The following TRIM24 variants were observed in gnomAD, a reference collection of about 807,000 sequenced individuals.
TRIM24 encodes tripartite motif containing 24.
TRIM24 carries 29 observed loss-of-function variants against 123.9 expected under a neutral mutation model. That is an observed-to-expected ratio of 0.23 (90% CI 0.17 to 0.32). The LOEUF is 0.32. Among genes scored for constraint, TRIM24 ranks in the 10% least tolerant of loss-of-function variants. The probability of loss-of-function intolerance (pLI) is 1.00; values close to 1 mark genes in which losing one functional copy is unlikely to be tolerated. For synonymous variants in TRIM24, 456 were observed against 461.1 expected, an observed-to-expected ratio of 0.99 and a Z score of 0.14; for missense variants, 932 against 1,295.3, an observed-to-expected ratio of 0.72 and a Z score of 4.31.
rs367796381 is a variant in TRIM24 at position 138,556,158 on chromosome 7, A to G, written c.1530+1192A>G. 38 of 152,222 alleles carry G rather than the reference A, an allele frequency of 2.5e-4. No individual in the cohort carries two copies. The East Asian group carries it at 4.1e-3, about 16-fold the overall frequency. The allele number at this position is 152,222 out of a possible 1,614,324, so 9.4% of individuals were successfully genotyped here. A position where few individuals can be genotyped will look rare whatever the true frequency, so the allele number is the denominator to read the frequency against. On this transcript the variant is annotated intron_variant, in intron 9 of 18. Coordinates refer to ENST00000343526, the MANE Select transcript of TRIM24 (RefSeq NM_015905.3). Reference sequence around the variant, plus strand: ...GATATAAAACCCTTCAATTCATAAAATTTTCATAGAAAAATAAAAACATTG... The same window carrying G: ...GATATAAAACCCTTCAATTCATAAAGTTTTCATAGAAAAATAAAAACATTG...
At chr7:138,569,673 A>G (rs1452442550) in intron 10 of TRIM24, among the ~76,000 whole-genome samples, 2 of 152,212 alleles carry the variant, frequency 1.3e-5, no homozygotes, top group Non-Finnish European at 2.9e-5. Flanking sequence ...TTCATGTCCA[A>G]CTTCATATGT....
intron 2 of TRIM24, chr7:138,514,645 TTC>T (rs1230673429): frequency 6.6e-6 from 1 of 152,246 alleles, no homozygotes; most frequent in Admixed American, 6.5e-5. Context: ...TGAGATCCAT[TTC>T]TTCATCATAT....
intron 1 of TRIM24, among the ~76,000 whole-genome samples, chr7:138,464,157 G>A (rs1016431968): frequency 2.0e-5 from 3 of 151,412 alleles, no homozygotes; most frequent in Admixed American, 1.3e-4. Flanking sequence ...ACCACGCCCG[G>A]CTAATTTTTT....
intron 1 of TRIM24, among the ~76,000 whole-genome samples, chr7:138,470,722 TC>T (rs774612570): frequency 6.6e-6 from 1 of 152,198 alleles, no homozygotes; most frequent in Non-Finnish European, 1.5e-5. Context: ...GTCTGTAACT[TC>T]ACCAGTGTTG....
At chr7:138,550,318 G>GTGTGT (rs113421781) in intron 7 of TRIM24, among the ~76,000 whole-genome samples, 2 of 147,468 alleles carry the variant, frequency 1.4e-5, no homozygotes, top group Admixed American at 6.8e-5. Context: ...AGGAGTTGAT[G>GTGTGT]GTGTGTGTGT....
intron 2 of TRIM24, 65 bp downstream of exon 2, chr7:138,504,473 T>TTTTTTG (rs1796108438): frequency 1.1e-6 from 1 of 919,436 alleles, no homozygotes; most frequent in Non-Finnish European, 1.6e-6. Flanking sequence ...TTTTTTTTTT[T>TTTTTTG]GAGACAGAGT....
chr7:138,515,144 C>T (rs967851856), intron 2 of TRIM24, 68 bp from the exon 3 acceptor site: 70 of 1,516,400 alleles, frequency 4.6e-5, no homozygotes, highest in African/African-American at 1.9e-4. Context: ...GTATCATGTA[C>T]GCATAGCTCG....
intron 9 of TRIM24, among the ~76,000 whole-genome samples, chr7:138,555,791 A>T (rs1174166132): frequency 6.6e-6 from 1 of 151,916 alleles, no homozygotes; most frequent in Non-Finnish European, 1.5e-5. Context: ...CCCTAATTTT[A>T]TTTTTTAAGT....
At chr7:138,488,110 G>C (rs934921514) in intron 1 of TRIM24, among the ~76,000 whole-genome samples, 4 of 152,068 alleles carry the variant, frequency 2.6e-5, no homozygotes, top group Non-Finnish European at 5.9e-5. Context: ...ATTTCTTCTA[G>C]ATTTTCTAGC....
chr7:138,532,265 G>A (rs1309429719), intron 6 of TRIM24, among the ~76,000 whole-genome samples: 1 of 151,966 alleles, frequency 6.6e-6, no homozygotes, highest in Non-Finnish European at 1.5e-5. Flanking sequence ...ATTGCTTTTG[G>A]TGTTTTAGAC....
In TRIM24 at chr7:138,525,325, C is replaced by T; in HGVS notation, c.849C>T (p.Tyr283=). ...CCAAACTGATGGAAAAAACAAAATA[C>T]ATAAAATTCACAGGAAATCAGATCC... The part of the protein sequence containing the change: ...LITKLMEKTK[Y]IKFTGNQIQN... The change falls in exon 5 of 19, where the codon TAC becomes TAT. Residue 283 remains tyrosine (Y), a synonymous_variant. Transcript: ENST00000343526. The T allele has an allele frequency of 6.6e-7, 1 of 1,523,076 alleles. No individual in the cohort carries two copies. The highest frequency in any genetic ancestry group is 2.2e-5 in the Admixed American group (1 of 46,266). 94.3% of individuals were successfully genotyped at this position (1,523,076 alleles called of 1,614,324 possible).
At chr7:138,560,192 G>T (rs1434398738) in intron 9 of TRIM24, among the ~76,000 whole-genome samples, 1 of 152,178 alleles carries the variant, frequency 6.6e-6, no homozygotes, top group African/African-American at 2.4e-5. Flanking sequence ...TCCAATTCAT[G>T]TGTTCCACTT....
intron 12 of TRIM24, among the ~76,000 whole-genome samples, chr7:138,575,936 C>G (rs985986657): frequency 6.6e-6 from 1 of 152,148 alleles, no homozygotes; most frequent in Non-Finnish European, 1.5e-5. Context: ...GCCCGTACCA[C>G]CTTTCGTTGT....
intron 4 of TRIM24, among the ~76,000 whole-genome samples, chr7:138,520,957 CT>C (rs1440159670): frequency 6.6e-6 from 1 of 152,186 alleles, no homozygotes; most frequent in Non-Finnish European, 1.5e-5. Context: ...TGGCTGAGAA[CT>C]TTCAGAAGCT....
At chr7:138,558,823 T>C (rs1797368173) in intron 9 of TRIM24, among the ~76,000 whole-genome samples, 1 of 152,192 alleles carries the variant, frequency 6.6e-6, no homozygotes, top group African/African-American at 2.4e-5. Context: ...TGAGTTGGTT[T>C]TTCCAGTAGT....
intron 15 of TRIM24, 76 bp downstream of exon 15, chr7:138,579,608 A>AAACTT (rs1797850771): frequency 7.6e-7 from 1 of 1,315,944 alleles, no homozygotes. Context: ...GCCTTTGAAA[A>AAACTT]AACTTAAATG....
intron 1 of TRIM24, among the ~76,000 whole-genome samples, chr7:138,481,619 A>C (rs963642164): frequency 5.3e-5 from 8 of 151,936 alleles, no homozygotes; most frequent in Admixed American, 3.3e-4. Flanking sequence ...TGTGGGCAAC[A>C]TAGGGAGACC....
chr7:138,512,186 G>A (rs1291025081), intron 2 of TRIM24, among the ~76,000 whole-genome samples: 1 of 152,184 alleles, frequency 6.6e-6, no homozygotes, highest in Non-Finnish European at 1.5e-5. Context: ...TACCCCTGTG[G>A]CTTTGCAGGG....
Position 138,589,526 on chromosome 7 carries a change from T to C in TRIM24, c.*4575T>C, listed in dbSNP as rs1798070580. The C allele has an allele frequency of 1.3e-5, 2 of 152,146 alleles. No homozygotes were observed. Among genetic ancestry groups the C allele is most frequent in the African/African-American group, 4.8e-5 (2 of 41,424 alleles). 9.4% of individuals were successfully genotyped at this position (152,146 alleles called of 1,614,324 possible). Reference sequence around the variant, plus strand: ...TAGGGGCAAGCTACTAGTCCATAAATAGCTGTAATAGGAAAACAGTTTTTT... The same window carrying C: ...TAGGGGCAAGCTACTAGTCCATAAACAGCTGTAATAGGAAAACAGTTTTTT... On this transcript the variant is annotated 3_prime_UTR_variant, in exon 19 of 19. Coordinates refer to ENST00000343526, the MANE Select transcript of TRIM24 (RefSeq NM_015905.3).
Sources: allele counts gnomAD v4.1 joint callset (sites outside exome capture counted in the v4.1 genomes callset), GRCh38; gene constraint gnomAD v4.1.1; transcripts MANE v1.5; gene names NCBI Gene and HGNC (gene_info 2026-07-23, HGNC 2026-07-21).